GRM1: variants seen among roughly 807,000 people sequenced by gnomAD.
The protein encoded by GRM1 is metabotropic glutamate receptor 1.
Under a neutral mutation model 90.9 loss-of-function variants are expected in GRM1, and 33 were observed. The ratio of observed to expected loss-of-function variants is 0.36; its 90% confidence interval spans 0.28 to 0.49. The LOEUF (loss-of-function observed/expected upper bound fraction) is 0.49. Ranked by LOEUF, GRM1 falls within the 20% of genes least tolerant of loss-of-function variation. The probability of loss-of-function intolerance (pLI) is 0.99; values close to 1 mark genes in which losing one functional copy is unlikely to be tolerated. For synonymous variants in GRM1, 700 were observed against 613.2 expected, an observed-to-expected ratio of 1.14 and a Z score of -2.09; for missense variants, 1,190 against 1,534.3, an observed-to-expected ratio of 0.78 and a Z score of 3.75.
In GRM1 at chr6:146,327,614, T is replaced by C. The variant is rs954128834; in HGVS notation, c.1186+22768T>C. On this transcript the variant is annotated intron_variant, in intron 3 of 7. Coordinates refer to ENST00000282753, the MANE Select transcript of GRM1 (RefSeq NM_001278064.2). Reference sequence around the variant, plus strand: ...GTTAGCCAAGGTCGTAATGACTAAGTGTATTTCAGGTGTGGGGAGGAAGGA... The same window carrying C: ...GTTAGCCAAGGTCGTAATGACTAAGCGTATTTCAGGTGTGGGGAGGAAGGA... Among the ~76,000 whole-genome samples, 3 of 152,224 alleles carry C rather than the reference T, an allele frequency of 2.0e-5. No individual in the cohort carries two copies. The South Asian group carries it at 6.2e-4, about 32-fold the overall frequency.
At chr6:146,089,564 T>G (rs1398128841) in intron 1 of GRM1, among the ~76,000 whole-genome samples, 5 of 152,160 alleles carry the variant, frequency 3.3e-5, no homozygotes, top group Non-Finnish European at 7.3e-5. Flanking sequence ...TTTATTTATT[T>G]TTGCCACGGA....
chr6:146,035,763 TA>T (rs1647578918), intron 1 of GRM1, among the ~76,000 whole-genome samples: 1 of 152,004 alleles, frequency 6.6e-6, no homozygotes, highest in African/African-American at 2.4e-5. Context: ...TTGCCATACT[TA>T]AAAATTTTTA....
intron 1 of GRM1, among the ~76,000 whole-genome samples, chr6:146,129,488 G>C (rs1776313024): frequency 6.6e-6 from 1 of 152,118 alleles, no homozygotes; most frequent in African/African-American, 2.4e-5. Context: ...AGAGTTGTGG[G>C]CAGGAAAAAG....
intron 1 of GRM1, among the ~76,000 whole-genome samples, chr6:146,054,001 A>G (rs114154664): frequency 2.7e-3 from 404 of 152,244 alleles, no homozygotes; most frequent in African/African-American, 8.9e-3. Context: ...TGCTTCTGAC[A>G]TTTAATTAAA....
intron 6 of GRM1, among the ~76,000 whole-genome samples, chr6:146,396,717 G>C (rs1044304492): frequency 1.3e-5 from 2 of 152,064 alleles, no homozygotes; most frequent in Non-Finnish European, 2.9e-5. Context: ...CAAAGAAACA[G>C]CAAGGGAATA....
chr6:146,143,925 G>A (rs931415931), intron 1 of GRM1, among the ~76,000 whole-genome samples: 2 of 152,144 alleles, frequency 1.3e-5, no homozygotes, highest in African/African-American at 4.8e-5. Flanking sequence ...CCCAGCTCAA[G>A]GTCATAGCTA....
chr6:146,235,701 C>CGTGTGTGTGTGTGT lies in GRM1; in HGVS notation c.951-68879_951-68866dup, dbSNP rs71028383. 2.5e-4 allele frequency among the ~76,000 whole-genome samples: 26 copies of CGTGTGTGTGTGTGT among 102,858 alleles called. 1 individual carries two copies. Among genetic ancestry groups the CGTGTGTGTGTGTGT allele is most frequent in the African/African-American group, 8.0e-4 (23 of 28,670 alleles). 67.5% of individuals were successfully genotyped at this position (102,858 alleles called of 152,430 possible). A position where few individuals can be genotyped will look rare whatever the true frequency, so the allele number is the denominator to read the frequency against. On this transcript the variant is annotated intron_variant, in intron 2 of 7. Coordinates refer to ENST00000282753, the MANE Select transcript of GRM1 (RefSeq NM_001278064.2). Reference sequence around the variant, plus strand: ...TCAAAGACATTTTCATCTCTGTTACCGTGTGTGTGTGTGTGTGTGTGTGTG... The same window carrying CGTGTGTGTGTGTGT: ...TCAAAGACATTTTCATCTCTGTTACCGTGTGTGTGTGTGTGTGTGTGTGTGTGTGTGTGTGTGTG...
At chr6:146,362,535 C>T (rs557472774) in intron 5 of GRM1, among the ~76,000 whole-genome samples, 54 of 151,112 alleles carry the variant, frequency 3.6e-4, no homozygotes, top group African/African-American at 1.3e-3. Flanking sequence ...AAAAGTTAGC[C>T]AGGTGTGGTG....
intron 1 of GRM1, among the ~76,000 whole-genome samples, chr6:146,137,388 C>T (rs891263541): frequency 6.6e-6 from 1 of 152,118 alleles, no homozygotes; most frequent in East Asian, 1.9e-4. Context: ...TATGGATACC[C>T]AGTTTTCCTA....
At chr6:146,211,537 A>G (rs898855873) in intron 2 of GRM1, among the ~76,000 whole-genome samples, 2 of 152,190 alleles carry the variant, frequency 1.3e-5, no homozygotes, top group African/African-American at 2.4e-5. Context: ...TTTTTGTTAT[A>G]TGACATCCAT....
chr6:146,266,632 C>A (rs190871645), intron 2 of GRM1, among the ~76,000 whole-genome samples: 3 of 152,328 alleles, frequency 2.0e-5, no homozygotes, highest in Admixed American at 2.0e-4. Context: ...TAGTGAAGAA[C>A]CCTATAAATT....
intron 7 of GRM1, among the ~76,000 whole-genome samples, chr6:146,418,490 A>G (rs1437603317): frequency 6.6e-6 from 1 of 151,910 alleles, no homozygotes; most frequent in East Asian, 1.9e-4. Flanking sequence ...ATCACCACTG[A>G]TATTTTTATG....
chr6:146,033,568 CT>C (rs1207493433), intron 1 of GRM1, among the ~76,000 whole-genome samples: 1 of 151,766 alleles, frequency 6.6e-6, no homozygotes. Flanking sequence ...AGCCTTTCTT[CT>C]AGTATTTTGT....
At position 146,142,744 on chromosome 6, in the gene GRM1, A is replaced by C. The variant is rs528921755; in HGVS notation, c.701-16604A>C. On this transcript the variant is annotated intron_variant, in intron 1 of 7. Coordinates refer to ENST00000282753, the MANE Select transcript of GRM1 (RefSeq NM_001278064.2). ...ACTCAAGCCCTACAGCCCTTCAGTC[A>C]GCTTGTGGTGAATGCTGTCAGGCCT... Among the ~76,000 whole-genome samples, 16 of 151,978 alleles carry C rather than the reference A, an allele frequency of 1.1e-4. No homozygotes were observed. In the South Asian group the frequency reaches 1.7e-3, roughly 16 times the overall value.
chr6:146,196,725 T>C (rs1413030882), intron 2 of GRM1, among the ~76,000 whole-genome samples: 1 of 152,148 alleles, frequency 6.6e-6, no homozygotes, highest in Non-Finnish European at 1.5e-5. Flanking sequence ...ATCTTTGAGA[T>C]TGGGGCTCAG....
In GRM1 at chr6:146,356,983, G is replaced by T. The variant is rs544860285; in HGVS notation, c.1434-543G>T. ...AAATATTTATCCTAATCAGGGAAGA[G>T]ATTAGTTTAAATGTCAGTGCACAAG... is the stretch of plus-strand genomic sequence containing the variant. On this transcript the variant is annotated intron_variant, in intron 4 of 7. Coordinates refer to ENST00000282753, the MANE Select transcript of GRM1 (RefSeq NM_001278064.2). Among the ~76,000 whole-genome samples the T allele has an allele frequency of 6.4e-4, 97 of 152,230 alleles. 1 individual carries two copies. The highest frequency in any genetic ancestry group is 2.8e-3 in the Admixed American group (43 of 15,290).
intron 2 of GRM1, among the ~76,000 whole-genome samples, chr6:146,180,313 C>A (rs1002483824): frequency 2.0e-5 from 3 of 151,910 alleles, no homozygotes; most frequent in African/African-American, 7.3e-5. Flanking sequence ...GTGTTAGGTA[C>A]CATATTTTCC....
intron 2 of GRM1, among the ~76,000 whole-genome samples, chr6:146,226,723 C>T (rs1424784771): frequency 1.3e-5 from 2 of 152,118 alleles, no homozygotes; most frequent in Non-Finnish European, 2.9e-5. Context: ...AATTACTGCT[C>T]ATGCTGTTTC....
rs562667208 is a variant in GRM1, at chr6:146,277,409, ATAGTTTAGGC to A, written c.951-27199_951-27190del. ...GGCCACCCAGCACCGGTTAGATCAA[ATAGTTTAGGC>A]TAACAGTATGATCTATGGTGAAAAC... On this transcript the variant is annotated intron_variant, in intron 2 of 7. Transcript: ENST00000282753. 9.4e-4 allele frequency among the ~76,000 whole-genome samples: 143 copies of A among 152,318 alleles called. 1 individual carries two copies. In the East Asian group the frequency reaches 0.013, roughly 14 times the overall value.
Sources: gnomAD v4.1 joint callset for allele counts (sites outside exome capture counted in the v4.1 genomes callset) on GRCh38, gnomAD v4.1.1 for gene constraint, MANE v1.5 for transcripts, NCBI Gene and HGNC (gene_info 2026-07-23, HGNC 2026-07-21) for gene names.